NLRP2B: variants seen among roughly 807,000 people sequenced by gnomAD.
The protein encoded by NLRP2B is NLR family pyrin domain containing 2B.
For synonymous variants in NLRP2B, 16 were observed against 3.5 expected (o/e 4.63, Z -4.03); for missense variants, 25 against 6.8 (o/e 3.70, Z -3.00).
Position 57,678,911 on chromosome X carries a change from C to T in NLRP2B, c.*1212G>A. 2.4e-6 allele frequency: 1 copy of T among 410,587 alleles called. No individual in the cohort carries two copies. 33.8% of individuals were successfully genotyped at this position (410,587 alleles called of 1,213,427 possible). On this transcript the variant is annotated 3_prime_UTR_variant, in exon 1 of 1. Transcript: ENST00000434992. ...GACATCTGCGCCCACAGGCCCTGTG[C>T]CGCCAGGAGGCTCAGCGCCCGCAGC...
rs1023976088 is a variant in NLRP2B at position 57,678,859 on chromosome X, C to A, written c.*1264G>T. On this transcript the variant is annotated 3_prime_UTR_variant, in exon 1 of 1. Coordinates refer to ENST00000434992, the MANE Select transcript of NLRP2B (RefSeq NM_001319967.1). ...GATGTTGAACTCCTGCACCCCGAGC[C>A]TCGCCAAGTCCTCTCCACGGAACAC... is the stretch of plus-strand genomic sequence containing the variant. 5.4e-6 allele frequency: 2 copies of A among 369,064 alleles called. No homozygotes were observed. The highest frequency in any genetic ancestry group is 9.8e-6 in the Non-Finnish European group (2 of 203,599). The allele number at this position is 369,064 out of a possible 1,213,427, so 30.4% of individuals were successfully genotyped here.
At position 57,680,147 on chromosome X, in the gene NLRP2B, C is replaced by T. The variant is rs1168563548; in HGVS notation, c.114G>A (p.Glu38=). 1 of 433,591 alleles carries T rather than the reference C, an allele frequency of 2.3e-6. No individual in the cohort carries two copies. Among genetic ancestry groups the T allele is most frequent in the African/African-American group, 2.5e-5 (1 of 39,691 alleles). 35.7% of individuals were successfully genotyped at this position (433,591 alleles called of 1,213,427 possible). A position where few individuals can be genotyped will look rare whatever the true frequency, so the allele number is the denominator to read the frequency against. ...SLIRTVSLGN[E]LQKIPQT The stretch of plus-strand genomic sequence containing the variant: ...CCTATGTCTGGGGGATCTTTTGCAG[C>T]TCATTTCCCAGGGAGACGGTCCTGA... The change falls in exon 1 of 1, where the codon GAG becomes GAA. Residue 38 remains glutamate (E), a synonymous_variant. Coordinates refer to ENST00000434992, the MANE Select transcript of NLRP2B (RefSeq NM_001319967.1).
Position 57,677,574 on chromosome X carries a change from G to C in NLRP2B, c.*2549C>G, listed in dbSNP as rs970104352. 2.0e-4 allele frequency: 59 copies of C among 302,252 alleles called. No homozygotes were observed. The highest frequency in any genetic ancestry group is 1.6e-3 in the African/African-American group (57 of 36,484). The allele number at this position is 302,252 out of a possible 1,213,427, so 24.9% of individuals were successfully genotyped here. On this transcript the variant is annotated 3_prime_UTR_variant, in exon 1 of 1. Transcript: ENST00000434992. ...GCACCAGGGTCTGTAGTTTACAATG[G>C]GGGTAACTCAAACCCTTACACAGAA...
At position 57,680,005 on chromosome X, in the gene NLRP2B, C is replaced by G. The variant is rs990114816; in HGVS notation, c.*118G>C. ...TCTCTGAGTTCATCCTTTACTTTCT[C>G]AGACAGATCCGCTCGGTGCATCTTT... On this transcript the variant is annotated 3_prime_UTR_variant, in exon 1 of 1. Transcript: ENST00000434992. 3.0e-6 allele frequency: 1 copy of G among 338,488 alleles called. No homozygotes were observed. The highest frequency in any genetic ancestry group is 5.2e-6 in the Non-Finnish European group (1 of 192,992). 27.9% of individuals were successfully genotyped at this position (338,488 alleles called of 1,213,427 possible).
In NLRP2B at chrX:57,679,651, C is replaced by T; in HGVS notation, c.*472G>A. On this transcript the variant is annotated 3_prime_UTR_variant, in exon 1 of 1. Transcript: ENST00000434992. ...ACCATGCAGCACCACCGTGTGTGGG[C>T]AGGGCCCGGGAAGCACCCTGGGGTT... The T allele has an allele frequency of 2.1e-6, 1 of 467,219 alleles. No individual in the cohort carries two copies. 38.5% of individuals were successfully genotyped at this position (467,219 alleles called of 1,213,427 possible). A position where few individuals can be genotyped will look rare whatever the true frequency, so the allele number is the denominator to read the frequency against.
rs752245659 is a variant in NLRP2B, at chrX:57,678,895, G to T, written c.*1228C>A. 2.6e-6 allele frequency: 1 copy of T among 384,705 alleles called. No homozygotes were observed. Among genetic ancestry groups the T allele is most frequent in the East Asian group, 5.8e-5 (1 of 17,239 alleles). The allele number at this position is 384,705 out of a possible 1,213,427, so 31.7% of individuals were successfully genotyped here. Reference sequence around the variant, plus strand: ...CTCTCCACGGAACACTGACATCTGCGCCCACAGGCCCTGTGCCGCCAGGAG... The same window carrying T: ...CTCTCCACGGAACACTGACATCTGCTCCCACAGGCCCTGTGCCGCCAGGAG... On this transcript the variant is annotated 3_prime_UTR_variant, in exon 1 of 1. Transcript: ENST00000434992.
In NLRP2B at chrX:57,679,644, G is replaced by C. The variant is rs2147380147; in HGVS notation, c.*479C>G. The C allele has an allele frequency of 4.3e-6, 2 of 469,777 alleles. No individual in the cohort carries two copies. The highest frequency in any genetic ancestry group is 7.6e-6 in the Non-Finnish European group (2 of 262,063). The allele number at this position is 469,777 out of a possible 1,213,427, so 38.7% of individuals were successfully genotyped here. A position where few individuals can be genotyped will look rare whatever the true frequency, so the allele number is the denominator to read the frequency against. On this transcript the variant is annotated 3_prime_UTR_variant, in exon 1 of 1. Transcript: ENST00000434992. ...CCGCAGGACCATGCAGCACCACCGT[G>C]TGTGGGCAGGGCCCGGGAAGCACCC...
In NLRP2B at chrX:57,677,544, C is replaced by T. The variant is rs1031882881; in HGVS notation, c.*2579G>A. ...AGCCATTGCTAGTTATGTCGCAGTC[C>T]CACAGCACCAGGGTCTGTAGTTTAC... is the stretch of plus-strand genomic sequence containing the variant. On this transcript the variant is annotated 3_prime_UTR_variant, in exon 1 of 1. Transcript: ENST00000434992. 1 of 314,692 alleles carries T rather than the reference C, an allele frequency of 3.2e-6. No homozygotes were observed. The highest frequency in any genetic ancestry group is 6.0e-6 in the Non-Finnish European group (1 of 165,485). The allele number at this position is 314,692 out of a possible 1,213,427, so 25.9% of individuals were successfully genotyped here.
rs1415474870 is a variant in NLRP2B, at chrX:57,677,737, A to T, written c.*2386T>A. ...ACAGTTTTCCAACAACAACCTCGGCAGGAAGCATTTTGGGTGTCTCAAAGT... is the reference window on the plus strand; with the variant it reads ...ACAGTTTTCCAACAACAACCTCGGCTGGAAGCATTTTGGGTGTCTCAAAGT... On this transcript the variant is annotated 3_prime_UTR_variant, in exon 1 of 1. Transcript: ENST00000434992. The T allele has an allele frequency of 5.0e-6, 2 of 402,875 alleles. No homozygotes were observed. Among genetic ancestry groups the T allele is most frequent in the Non-Finnish European group, 9.5e-6 (2 of 211,069 alleles). 33.2% of individuals were successfully genotyped at this position (402,875 alleles called of 1,213,427 possible).
Position 57,678,763 on chromosome X carries a change from A to C in NLRP2B, c.*1360T>G. 2.5e-6 allele frequency: 1 copy of C among 397,631 alleles called. No individual in the cohort carries two copies. 32.8% of individuals were successfully genotyped at this position (397,631 alleles called of 1,213,427 possible). The stretch of plus-strand genomic sequence containing the variant: ...CACAGTGAAAAACTGCTGGAAGCTG[A>C]GGTGGATGTAGGAATAGCAGCCTTT... On this transcript the variant is annotated 3_prime_UTR_variant, in exon 1 of 1. Transcript: ENST00000434992.
Position 57,680,239 on chromosome X carries a change from C to G in NLRP2B, c.22G>C (p.Asp8His). Residue 8 changes from aspartate (D) to histidine (H), a missense_variant, in exon 1 of 1, where the codon GAC (aspartate) becomes CAC (histidine). By Grantham distance (81) the Asp-to-His change is moderately conservative. Coordinates refer to ENST00000434992, the MANE Select transcript of NLRP2B (RefSeq NM_001319967.1). ...CCCAGAAGAGCCTGCAGGTTGAAGT[C>G]CAGCTGTGCAGAAGACACCATCTCG... MVSSAQL[D>H]FNLQALLGQL... 2.7e-6 allele frequency: 1 copy of G among 372,576 alleles called. No individual in the cohort carries two copies. Among genetic ancestry groups the G allele is most frequent in the Non-Finnish European group, 4.8e-6 (1 of 208,385 alleles). 30.7% of individuals were successfully genotyped at this position (372,576 alleles called of 1,213,427 possible). A position where few individuals can be genotyped will look rare whatever the true frequency, so the allele number is the denominator to read the frequency against.
At position 57,679,326 on chromosome X, in the gene NLRP2B, C is replaced by A. The variant is rs995225120; in HGVS notation, c.*797G>T. Reference sequence around the variant, plus strand: ...GTAACCTCCCCAAGAAGACCGGCACCGGCTTCTGCTTCTCCCAGTCCCCAC... The same window carrying A: ...GTAACCTCCCCAAGAAGACCGGCACAGGCTTCTGCTTCTCCCAGTCCCCAC... On this transcript the variant is annotated 3_prime_UTR_variant, in exon 1 of 1. Coordinates refer to ENST00000434992, the MANE Select transcript of NLRP2B (RefSeq NM_001319967.1). The A allele has an allele frequency of 5.4e-6, 3 of 553,567 alleles. No homozygotes were observed. The highest frequency in any genetic ancestry group is 2.3e-5 in the African/African-American group (1 of 43,864). The allele number at this position is 553,567 out of a possible 1,213,427, so 45.6% of individuals were successfully genotyped here. A position where few individuals can be genotyped will look rare whatever the true frequency, so the allele number is the denominator to read the frequency against.
rs2011746130 is a variant in NLRP2B at position 57,679,267 on chromosome X, AG to A, written c.*855del. On this transcript the variant is annotated 3_prime_UTR_variant, in exon 1 of 1. Transcript: ENST00000434992. ...AGGGCCCGCAGGCCACGTGGTGACC[AG>A]CACGGCGGCCCTGGGTAAAATCTTC... The A allele has an allele frequency of 4.3e-6, 2 of 465,129 alleles. No individual in the cohort carries two copies. Among genetic ancestry groups the A allele is most frequent in the East Asian group, 8.0e-5 (2 of 25,010 alleles). 38.3% of individuals were successfully genotyped at this position (465,129 alleles called of 1,213,427 possible).
Position 57,678,109 on chromosome X carries a change from A to T in NLRP2B, c.*2014T>A. The T allele has an allele frequency of 2.1e-6, 1 of 469,144 alleles. No individual in the cohort carries two copies. Among genetic ancestry groups the T allele is most frequent in the East Asian group, 3.6e-5 (1 of 27,859 alleles). The allele number at this position is 469,144 out of a possible 1,213,427, so 38.7% of individuals were successfully genotyped here. Reference sequence around the variant, plus strand: ...GTCAGAAGCTATTTGTTCACACAGGATCCTTACTAATGTGGCACCAAGAAA... The same window carrying T: ...GTCAGAAGCTATTTGTTCACACAGGTTCCTTACTAATGTGGCACCAAGAAA... On this transcript the variant is annotated 3_prime_UTR_variant, in exon 1 of 1. Transcript: ENST00000434992.
chrX:57,677,200 A>T lies in NLRP2B; in HGVS notation c.*2923T>A. The T allele has an allele frequency of 1.3e-5, 5 of 373,664 alleles. No individual in the cohort carries two copies. Among genetic ancestry groups the T allele is most frequent in the Non-Finnish European group, 2.6e-5 (5 of 189,638 alleles). The allele number at this position is 373,664 out of a possible 1,213,427, so 30.8% of individuals were successfully genotyped here. ...ATCGAGTTCAACATTAAAGTCATCT[A>T]TTTTCAACCTGAGTGTCTGGAGGGT... On this transcript the variant is annotated 3_prime_UTR_variant, in exon 1 of 1. Transcript: ENST00000434992.
rs1264852736 is a variant in NLRP2B, at chrX:57,680,190, C to A, written c.71G>T (p.Cys24Phe). The A allele has an allele frequency of 1.0e-5, 4 of 391,274 alleles. No homozygotes were observed. In the East Asian group the frequency reaches 1.2e-4, roughly 12 times the overall value. The allele number at this position is 391,274 out of a possible 1,213,427, so 32.2% of individuals were successfully genotyped here. A position where few individuals can be genotyped will look rare whatever the true frequency, so the allele number is the denominator to read the frequency against. ...GGTCCTGATCAGAGACTTGAACTTG[C>A]ACAAGTCATCCTGGCTGAGCTGTCC... ...LLGQLSQDDL[C>F]KFKSLIRTVS... The change falls in exon 1 of 1, where the codon TGC (cysteine) becomes TTC (phenylalanine). Residue 24 changes from cysteine to phenylalanine, a missense_variant. Coordinates refer to ENST00000434992, the MANE Select transcript of NLRP2B (RefSeq NM_001319967.1).
Position 57,678,079 on chromosome X carries a change from C to T in NLRP2B, c.*2044G>A. 2.1e-6 allele frequency: 1 copy of T among 466,995 alleles called. No individual in the cohort carries two copies. Among genetic ancestry groups the T allele is most frequent in the Non-Finnish European group, 3.9e-6 (1 of 258,197 alleles). 38.5% of individuals were successfully genotyped at this position (466,995 alleles called of 1,213,427 possible). A position where few individuals can be genotyped will look rare whatever the true frequency, so the allele number is the denominator to read the frequency against. ...TTTGAACATCACTCTCTGGAGACGA[C>T]AGGTGTCAGAAGCTATTTGTTCACA... is the stretch of plus-strand genomic sequence containing the variant. On this transcript the variant is annotated 3_prime_UTR_variant, in exon 1 of 1. Coordinates refer to ENST00000434992, the MANE Select transcript of NLRP2B (RefSeq NM_001319967.1).
Position 57,680,042 on chromosome X carries a change from G to C in NLRP2B, c.*81C>G. ...CTCGGTGCATCTTTTCAAAGACCTGGATGGTCTCTATCTTCATCCAGTAGC... is the reference window on the plus strand; with the variant it reads ...CTCGGTGCATCTTTTCAAAGACCTGCATGGTCTCTATCTTCATCCAGTAGC... On this transcript the variant is annotated 3_prime_UTR_variant, in exon 1 of 1. Transcript: ENST00000434992. 2.5e-6 allele frequency: 1 copy of C among 396,055 alleles called. No individual in the cohort carries two copies. Among genetic ancestry groups the C allele is most frequent in the Non-Finnish European group, 4.5e-6 (1 of 223,574 alleles). The allele number at this position is 396,055 out of a possible 1,213,427, so 32.6% of individuals were successfully genotyped here.
rs995172556 is a variant in NLRP2B, at chrX:57,679,574, C to T, written c.*549G>A. The T allele has an allele frequency of 1.7e-5, 9 of 529,946 alleles. No individual in the cohort carries two copies. The East Asian group carries it at 2.1e-4, about 12-fold the overall frequency. 43.7% of individuals were successfully genotyped at this position (529,946 alleles called of 1,213,427 possible). On this transcript the variant is annotated 3_prime_UTR_variant, in exon 1 of 1. Coordinates refer to ENST00000434992, the MANE Select transcript of NLRP2B (RefSeq NM_001319967.1). ...AATTTCTGGCTGAGGTTGTCCTCTG[C>T]CCAGTCCAGCATTAATTTCTTGGCC... is the stretch of plus-strand genomic sequence containing the variant.
Sources: allele counts gnomAD v4.1 joint callset, GRCh38; gene constraint gnomAD v4.1.1; transcripts MANE v1.5; gene names NCBI Gene and HGNC (gene_info 2026-07-23, HGNC 2026-07-21).